Variants in SLC24A2 observed in about 807,000 individuals in gnomAD.
SLC24A2 encodes sodium/potassium/calcium exchanger 2.
SLC24A2 carries 36 observed loss-of-function variants against 62.0 expected under a neutral mutation model. That is an observed-to-expected ratio of 0.58 (90% CI 0.44 to 0.77). The LOEUF is 0.77. SLC24A2 is among the 30% of genes least tolerant of loss of function. SLC24A2 has a pLI of 0.00. For synonymous variants in SLC24A2, 358 were observed against 294.0 expected, an observed-to-expected ratio of 1.22 and a Z score of -2.23; for missense variants, 846 against 817.9, an observed-to-expected ratio of 1.03 and a Z score of -0.42.
chr9:20,141,767 TACGCTATAAAGATAAG>T, the SLC24A2 span, among the ~76,000 whole-genome samples: 4 of 152,006 alleles, frequency 2.6e-5, no homozygotes, highest in African/African-American at 9.7e-5. Context: ...CTGCACCTAA[TACGCTATAAAGATAAG>T]ATTAAAATAA....
chr9:20,255,820 T>G, the SLC24A2 span, among the ~76,000 whole-genome samples: 44 of 152,346 alleles, frequency 2.9e-4, no homozygotes, highest in East Asian at 7.7e-3. Flanking sequence ...TGGTCATACT[T>G]AATCTGCCAC....
the SLC24A2 span, among the ~76,000 whole-genome samples, chr9:20,035,947 G>A: frequency 4.5e-4 from 68 of 152,174 alleles, no homozygotes; most frequent in African/African-American, 1.4e-3. Context: ...AATTTGGCTC[G>A]GATAGGAGTC....
chr9:19,890,304 A>C, the SLC24A2 span, among the ~76,000 whole-genome samples: 1 of 152,214 alleles, frequency 6.6e-6, no homozygotes, highest in South Asian at 2.1e-4. Flanking sequence ...AGATGTAGTA[A>C]ATGATGAAGG....
the SLC24A2 span, among the ~76,000 whole-genome samples, chr9:19,984,742 A>G: frequency 7.9e-5 from 12 of 152,262 alleles, no homozygotes; most frequent in African/African-American, 2.6e-4. Context: ...TTTATAGCCA[A>G]TTGATTTTTT....
At chr9:19,895,221 T>C in the SLC24A2 span, among the ~76,000 whole-genome samples, 42 of 150,684 alleles carry the variant, frequency 2.8e-4, no homozygotes, top group Non-Finnish European at 5.9e-5. Flanking sequence ...TTAACCAAGG[T>C]TTATTTTGTT....
chr9:19,891,412 G>C, the SLC24A2 span, among the ~76,000 whole-genome samples: 7 of 152,146 alleles, frequency 4.6e-5, no homozygotes, highest in Non-Finnish European at 8.8e-5. Flanking sequence ...CTGAGACTGG[G>C]TAATTTATAA....
chr9:20,239,102 T>C, the SLC24A2 span, among the ~76,000 whole-genome samples: 1 of 152,234 alleles, frequency 6.6e-6, no homozygotes, highest in Non-Finnish European at 1.5e-5. Context: ...TGTGGCATTG[T>C]TACAACAGTC....
the SLC24A2 span, among the ~76,000 whole-genome samples, chr9:19,863,498 T>C: frequency 1.3e-5 from 2 of 151,876 alleles, no homozygotes; most frequent in Admixed American, 6.6e-5. Context: ...ACTCACAAAA[T>C]TGAAATCATA....
At chr9:19,646,927 T>C (rs1205813791) in intron 2 of SLC24A2, among the ~76,000 whole-genome samples, 1 of 152,082 alleles carries the variant, frequency 6.6e-6, no homozygotes, top group African/African-American at 2.4e-5. Flanking sequence ...TGGAATACTA[T>C]CTGTGGCCCA....
intron 2 of SLC24A2, among the ~76,000 whole-genome samples, chr9:19,635,049 C>G (rs1206096746): frequency 6.6e-6 from 1 of 152,144 alleles, no homozygotes; most frequent in Non-Finnish European, 1.5e-5. Flanking sequence ...TATCTGTTAT[C>G]TGTCAATAGA....
At chr9:20,237,411 T>C in the SLC24A2 span, among the ~76,000 whole-genome samples, 1 of 152,162 alleles carries the variant, frequency 6.6e-6, no homozygotes, top group African/African-American at 2.4e-5. Flanking sequence ...CAGAGCAGTG[T>C]TGGGGCCCAG....
rs1259305343 is a variant in SLC24A2, at chr9:19,508,608, C to T, written c.*7545G>A. 1.3e-5 allele frequency: 2 copies of T among 152,010 alleles called. No individual in the cohort carries two copies. The highest frequency in any genetic ancestry group is 4.8e-5 in the African/African-American group (2 of 41,378). The allele number at this position is 152,010 out of a possible 1,614,324, so 9.4% of individuals were successfully genotyped here. A position where few individuals can be genotyped will look rare whatever the true frequency, so the allele number is the denominator to read the frequency against. On this transcript the variant is annotated 3_prime_UTR_variant, in exon 11 of 11. Coordinates refer to ENST00000341998, the MANE Select transcript of SLC24A2 (RefSeq NM_020344.4). ...AGGAGTTTGAGACCAGCCTGGGTAA[C>T]ATAGTGAGACTCCATCTCTTAACAA...
the SLC24A2 span, among the ~76,000 whole-genome samples, chr9:20,182,091 C>A: frequency 2.0e-5 from 3 of 152,162 alleles, no homozygotes; most frequent in Non-Finnish European, 4.4e-5. Context: ...CTATCTCACA[C>A]CAGTCAGAAT....
At chr9:20,005,886 A>C in the SLC24A2 span, among the ~76,000 whole-genome samples, 1 of 151,570 alleles carries the variant, frequency 6.6e-6, no homozygotes, top group African/African-American at 2.4e-5. Flanking sequence ...AAAGACAGAA[A>C]AGAAACAAGT....
rs145154042 is a variant in SLC24A2 at position 19,730,448 on chromosome 9, A to G, written c.930+55489T>C. ...GAATTACAAAGATGTTCAATGTTAT[A>G]TTTTTGTGATTATAGAAAACAACCT... On this transcript the variant is annotated intron_variant, in intron 2 of 10. Coordinates refer to ENST00000341998, the MANE Select transcript of SLC24A2 (RefSeq NM_020344.4). 9.2e-5 allele frequency among the ~76,000 whole-genome samples: 14 copies of G among 152,282 alleles called. No individual in the cohort carries two copies. In the East Asian group the frequency reaches 2.7e-3, roughly 29 times the overall value.
Position 19,609,134 on chromosome 9 carries a change from G to C in SLC24A2, c.1078+10450C>G, listed in dbSNP as rs1837073537. The stretch of plus-strand genomic sequence containing the variant: ...CTGCAGCCAGTGCTCACTGTGTCCA[G>C]TGCCGTGCCTGCTGTACATCCACCA... On this transcript the variant is annotated intron_variant, in intron 4 of 10. Transcript: ENST00000341998. Among the ~76,000 whole-genome samples the C allele has an allele frequency of 1.3e-5, 2 of 152,376 alleles. 1 individual carries two copies. The highest frequency in any genetic ancestry group is 4.1e-4 in the South Asian group (2 of 4,832).
chr9:20,118,703 C>G, the SLC24A2 span, among the ~76,000 whole-genome samples: 5 of 151,932 alleles, frequency 3.3e-5, no homozygotes. Context: ...AAGTGACCTC[C>G]GTAACTCTAA....
At chr9:19,529,038 T>G (rs1833566932) in intron 8 of SLC24A2, among the ~76,000 whole-genome samples, 1 of 152,320 alleles carries the variant, frequency 6.6e-6, no homozygotes, top group South Asian at 2.1e-4. Flanking sequence ...GTGGTGTTCT[T>G]TTGATGTCCT....
chr9:19,549,885 T>TCA (rs1834760174), intron 8 of SLC24A2, among the ~76,000 whole-genome samples: 1 of 152,232 alleles, frequency 6.6e-6, no homozygotes, highest in African/African-American at 2.4e-5. Flanking sequence ...GCAGATTTGA[T>TCA]AACCTGAACA....
Sources: allele counts gnomAD v4.1 joint callset (sites outside exome capture counted in the v4.1 genomes callset), GRCh38; gene constraint gnomAD v4.1.1; transcripts MANE v1.5; gene names NCBI Gene and HGNC (gene_info 2026-07-23, HGNC 2026-07-21).